The following GRIK2 variants were observed in gnomAD, a reference collection of about 807,000 sequenced individuals.
GRIK2 encodes the protein glutamate receptor ionotropic, kainate 2.
GRIK2 carries 32 observed loss-of-function variants against 100.3 expected under a neutral mutation model. The ratio of observed to expected loss-of-function variants is 0.32; its 90% CI spans 0.24 to 0.43. The LOEUF (loss-of-function observed/expected upper bound fraction) is 0.43. GRIK2 is among the 20% of genes least tolerant of loss of function. GRIK2 has a pLI of 1.00. For synonymous variants in GRIK2, 417 were observed against 389.4 expected (o/e 1.07, Z -0.83); for missense variants, 843 against 1,114.9 (o/e 0.76, Z 3.47).
chr6:101,746,382 A>G (rs1776420953), intron 7 of GRIK2, among the ~76,000 whole-genome samples: 1 of 152,182 alleles, frequency 6.6e-6, no homozygotes, highest in Admixed American at 6.5e-5. Flanking sequence ...GCTGGAGTGC[A>G]GTGGCATGAT....
At chr6:101,620,963 A>G (rs78998603) in intron 2 of GRIK2, among the ~76,000 whole-genome samples, 1 of 152,178 alleles carries the variant, frequency 6.6e-6, no homozygotes, top group Non-Finnish European at 1.5e-5. Context: ...TTGAAGGGAC[A>G]TATTTTAAAA....
Position 101,398,381 on chromosome 6 carries a change from G to A in GRIK2, c.-293-604G>A, listed in dbSNP as rs1228125847. ...CACTGAAGAAATTTCTCCTACTTCT[G>A]GGTAGCAATCAAGGAATACCCCAGT... On this transcript the variant is annotated intron_variant, in intron 1 of 16. Coordinates refer to ENST00000369134, the MANE Select transcript of GRIK2 (RefSeq NM_021956.5). Among the ~76,000 whole-genome samples the A allele has an allele frequency of 3.9e-5, 6 of 152,242 alleles. 1 individual carries two copies. The South Asian group carries it at 6.2e-4, about 16-fold the overall frequency.
chr6:101,557,104 A>C (rs1447584695), intron 2 of GRIK2, among the ~76,000 whole-genome samples: 1 of 152,206 alleles, frequency 6.6e-6, no homozygotes, highest in Non-Finnish European at 1.5e-5. Flanking sequence ...AATGCTTAGA[A>C]AGTTGGCTTT....
intron 9 of GRIK2, among the ~76,000 whole-genome samples, chr6:101,804,293 A>G (rs1054991370): frequency 2.0e-5 from 3 of 152,014 alleles, no homozygotes; most frequent in African/African-American, 7.2e-5. Context: ...ATACAAATAA[A>G]GCTAAAATGC....
chr6:101,843,689 G>GT (rs1249638168), intron 10 of GRIK2, among the ~76,000 whole-genome samples: 1 of 152,114 alleles, frequency 6.6e-6, no homozygotes, highest in East Asian at 1.9e-4. Context: ...ATAGGAAGTT[G>GT]TTTTTTGCTT....
intron 2 of GRIK2, among the ~76,000 whole-genome samples, chr6:101,500,378 T>C (rs1773683450): frequency 6.6e-6 from 1 of 152,120 alleles, no homozygotes; most frequent in South Asian, 2.1e-4. Context: ...TTTTTAAATA[T>C]TGCTGAGACT....
chr6:101,953,080 T>G lies in GRIK2; in HGVS notation c.2085+24448T>G, dbSNP rs1371774976. On this transcript the variant is annotated intron_variant, in intron 14 of 16. Coordinates refer to ENST00000369134, the MANE Select transcript of GRIK2 (RefSeq NM_021956.5). ...TTGGCTTTAACTGAACTTTCATCTG[T>G]GTTTCAGTGTGTATCAAAATTTTAT... 3.9e-5 allele frequency among the ~76,000 whole-genome samples: 6 copies of G among 152,196 alleles called. No homozygotes were observed. The East Asian group carries it at 1.2e-3, about 29-fold the overall frequency.
At chr6:101,856,421 A>T (rs1784429523) in intron 10 of GRIK2, among the ~76,000 whole-genome samples, 1 of 152,194 alleles carries the variant, frequency 6.6e-6, no homozygotes, top group South Asian at 2.1e-4. Context: ...GTGCTATTGG[A>T]TACGTGTGCC....
At chr6:101,398,571 A>G (rs1775112140) in intron 1 of GRIK2, among the ~76,000 whole-genome samples, 1 of 152,178 alleles carries the variant, frequency 6.6e-6, no homozygotes, top group South Asian at 2.1e-4. Context: ...TCCCAGACAA[A>G]CTGACTTTGA....
chr6:101,818,712 A>C (rs566362621), intron 10 of GRIK2, among the ~76,000 whole-genome samples: 3 of 152,268 alleles, frequency 2.0e-5, no homozygotes, highest in African/African-American at 7.2e-5. Context: ...AATACAGCTT[A>C]ATGTATTACT....
chr6:101,755,833 T>G (rs528166810), intron 7 of GRIK2, among the ~76,000 whole-genome samples: 5 of 152,348 alleles, frequency 3.3e-5, no homozygotes, highest in African/African-American at 1.2e-4. Flanking sequence ...GTGTCTAGTT[T>G]ATTGACAGAA....
intron 2 of GRIK2, among the ~76,000 whole-genome samples, chr6:101,421,998 G>A (rs1332514694): frequency 6.6e-6 from 1 of 152,138 alleles, no homozygotes; most frequent in East Asian, 1.9e-4. Context: ...TGACACTTTT[G>A]TATGACATTA....
chr6:101,928,377 C>A lies in GRIK2; in HGVS notation c.1868-38C>A, dbSNP rs367846953. ...AAAGTATCTGATTGCTGATCAAATT[C>A]TCTATATTCGTTTCACCTTTCCCCC... is the stretch of plus-strand genomic sequence containing the variant. On this transcript the variant is annotated intron_variant, in intron 13 of 16. Coordinates refer to ENST00000369134, the MANE Select transcript of GRIK2 (RefSeq NM_021956.5). 2.2e-4 allele frequency: 225 copies of A among 1,019,192 alleles called. 1 individual carries two copies. Among genetic ancestry groups the A allele is most frequent in the Non-Finnish European group, 3.3e-4 (212 of 637,926 alleles). 63.1% of individuals were successfully genotyped at this position (1,019,192 alleles called of 1,614,324 possible). A position where few individuals can be genotyped will look rare whatever the true frequency, so the allele number is the denominator to read the frequency against.
At chr6:101,889,182 T>C (rs960618570) in intron 11 of GRIK2, among the ~76,000 whole-genome samples, 1 of 152,128 alleles carries the variant, frequency 6.6e-6, no homozygotes, top group African/African-American at 2.4e-5. Context: ...TATTTTAAAA[T>C]CAGAAATGTC....
chr6:101,930,247 C>A (rs1327304768), intron 14 of GRIK2, among the ~76,000 whole-genome samples: 1 of 151,640 alleles, frequency 6.6e-6, no homozygotes, highest in African/African-American at 2.4e-5. Context: ...GAGGCTGAGG[C>A]TGGAGAATCA....
At chr6:101,955,576 T>TTGTC (rs1491467842) in intron 14 of GRIK2, among the ~76,000 whole-genome samples, 3 of 116,288 alleles carry the variant, frequency 2.6e-5, no homozygotes, top group Admixed American at 1.9e-4. Flanking sequence ...GAGCAAGGCC[T>TTGTC]TCTCTCTCTC....
At chr6:101,754,189 A>T (rs1776979945) in intron 7 of GRIK2, among the ~76,000 whole-genome samples, 1 of 152,184 alleles carries the variant, frequency 6.6e-6, no homozygotes, top group African/African-American at 2.4e-5. Context: ...ATGTATTTTC[A>T]GAATTCAAGA....
intron 2 of GRIK2, among the ~76,000 whole-genome samples, chr6:101,532,742 TCA>T (rs1775506103): frequency 6.6e-6 from 1 of 151,690 alleles, no homozygotes; most frequent in Non-Finnish European, 1.5e-5. Flanking sequence ...AAAAAGAATC[TCA>T]GAGTCCTAAA....
In GRIK2 at chr6:101,886,737, T is replaced by A. The variant is rs535470438; in HGVS notation, c.1525-2903T>A. Among the ~76,000 whole-genome samples the A allele has an allele frequency of 5.3e-5, 8 of 152,054 alleles. No homozygotes were observed. The East Asian group carries it at 1.4e-3, about 26-fold the overall frequency. ...TTCTCCTATCCAACTGAAGTTTTAT[T>A]TCCTTTGACCAGCATCTTGACAACC... is the stretch of plus-strand genomic sequence containing the variant. On this transcript the variant is annotated intron_variant, in intron 11 of 16. Transcript: ENST00000369134.
Sources: gnomAD v4.1 joint callset for allele counts (sites outside exome capture counted in the v4.1 genomes callset) on GRCh38, gnomAD v4.1.1 for gene constraint, MANE v1.5 for transcripts, NCBI Gene and HGNC (gene_info 2026-07-23, HGNC 2026-07-21) for gene names.